Variants in TRAPPC9 observed in about 807,000 individuals in gnomAD.
The protein encoded by TRAPPC9 is IKK2 binding protein.
Under a neutral mutation model 124.0 loss-of-function variants are expected in TRAPPC9, and 83 were observed. The ratio of observed to expected loss-of-function variants is 0.67; its 90% confidence interval spans 0.56 to 0.80. The LOEUF (loss-of-function observed/expected upper bound fraction) is 0.80, where lower values mean the gene tolerates loss of function less well. Ranked by LOEUF, TRAPPC9 falls within the 30% of genes least tolerant of loss-of-function variation. The probability of loss-of-function intolerance (pLI) is 0.00; values close to 1 mark genes in which losing one functional copy is unlikely to be tolerated. For synonymous variants in TRAPPC9, 638 were observed against 617.5 expected (o/e 1.03, Z -0.49); for missense variants, 1,302 against 1,508.3 (o/e 0.86, Z 2.27).
At chr8:140,367,740 T>C (rs2068162446) in intron 8 of TRAPPC9, among the ~76,000 whole-genome samples, 1 of 152,090 alleles carries the variant, frequency 6.6e-6, no homozygotes, top group South Asian at 2.1e-4. Context: ...TGGGTGATGA[T>C]GATGTGTCAA....
At chr8:139,951,363 A>G (rs1331964310) in intron 19 of TRAPPC9, among the ~76,000 whole-genome samples, 1 of 152,184 alleles carries the variant, frequency 6.6e-6, no homozygotes, top group Non-Finnish European at 1.5e-5. Context: ...CTGTGCCATG[A>G]GGGTTCAAGA....
chr8:140,150,405 C>T (rs916884954), intron 17 of TRAPPC9, among the ~76,000 whole-genome samples: 5 of 152,276 alleles, frequency 3.3e-5, no homozygotes, highest in Middle Eastern at 3.4e-3. Context: ...GCCGAGATCA[C>T]GCCACTGCAC....
intron 17 of TRAPPC9, among the ~76,000 whole-genome samples, chr8:140,124,705 G>GGGGAGGACCCTCATAT (rs2061051777): frequency 1.8e-5 from 1 of 54,514 alleles, no homozygotes; most frequent in Non-Finnish European, 4.7e-5. Flanking sequence ...GACCCTCGCG[G>GGGGAGGACCCTCATAT]GGGAGGACCC....
chr8:139,889,838 T>A (rs1830226651), intron 20 of TRAPPC9, among the ~76,000 whole-genome samples: 2 of 152,160 alleles, frequency 1.3e-5, no homozygotes, highest in Non-Finnish European at 2.9e-5. Context: ...TCGTCCTTCC[T>A]AAGGCAATTT....
intron 17 of TRAPPC9, among the ~76,000 whole-genome samples, chr8:140,068,427 C>T (rs941647179): frequency 1.3e-5 from 2 of 152,100 alleles, no homozygotes; most frequent in African/African-American, 4.8e-5. Context: ...CGCATCAGGG[C>T]AAAGACGCTT....
intron 17 of TRAPPC9, among the ~76,000 whole-genome samples, chr8:140,130,680 T>C (rs1382157070): frequency 6.6e-6 from 1 of 152,126 alleles, no homozygotes. Context: ...CGGATGGCCA[T>C]CTCCTTATTT....
At chr8:140,015,338 T>C (rs1305672085) in intron 18 of TRAPPC9, among the ~76,000 whole-genome samples, 1 of 152,234 alleles carries the variant, frequency 6.6e-6, no homozygotes, top group East Asian at 1.9e-4. Flanking sequence ...TCTCTGGGGA[T>C]GCATATAACT....
intron 21 of TRAPPC9, among the ~76,000 whole-genome samples, chr8:139,859,407 T>C (rs1237922532): frequency 6.6e-6 from 1 of 152,174 alleles, no homozygotes; most frequent in African/African-American, 2.4e-5. Flanking sequence ...TTCTATTGCT[T>C]ACTAAGCAAA....
chr8:140,407,798 T>G (rs1588298246), intron 5 of TRAPPC9, among the ~76,000 whole-genome samples: 3 of 152,102 alleles, frequency 2.0e-5, no homozygotes, highest in African/African-American at 7.2e-5. Context: ...ATTTTTGTAT[T>G]TTTAGTAGAG....
intron 21 of TRAPPC9, among the ~76,000 whole-genome samples, chr8:139,811,065 A>G (rs1021421328): frequency 6.6e-6 from 1 of 152,264 alleles, no homozygotes; most frequent in African/African-American, 2.4e-5. Context: ...AGGCAGAAAC[A>G]ATTCACAGAA....
chr8:140,157,827 C>G (rs1045877151), intron 17 of TRAPPC9, among the ~76,000 whole-genome samples: 5 of 152,090 alleles, frequency 3.3e-5, no homozygotes, highest in Admixed American at 6.5e-5. Flanking sequence ...TTGTTAACAT[C>G]TTGGTGTATA....
chr8:140,299,309 G>T (rs142472096), intron 11 of TRAPPC9, among the ~76,000 whole-genome samples: 1,730 of 152,296 alleles, frequency 0.011, 15 homozygotes, highest in Non-Finnish European at 0.019. Flanking sequence ...GGGCAGGGGG[G>T]GGTCAGGGAG....
intron 21 of TRAPPC9, among the ~76,000 whole-genome samples, chr8:139,841,423 G>A (rs539494025): frequency 5.9e-5 from 9 of 152,150 alleles, no homozygotes; most frequent in East Asian, 1.9e-4. Context: ...GGTGGGGGCC[G>A]GCGGGCCTCA....
intron 17 of TRAPPC9, among the ~76,000 whole-genome samples, chr8:140,113,603 C>T (rs2060823117): frequency 1.3e-5 from 2 of 152,174 alleles, no homozygotes; most frequent in African/African-American, 4.8e-5. Context: ...GGAGGAGACG[C>T]CAGGCAGACT....
intron 16 of TRAPPC9, among the ~76,000 whole-genome samples, chr8:140,229,092 G>A (rs138369695): frequency 5.1e-4 from 77 of 151,970 alleles, no homozygotes; most frequent in Non-Finnish European, 1.9e-4. Context: ...CCACCAACAC[G>A]TTCTCACTAG....
rs139900918 is a variant in TRAPPC9, at chr8:139,963,996, G to A, written c.2810+24730C>T. On this transcript the variant is annotated intron_variant, in intron 19 of 22. Coordinates refer to ENST00000438773, the MANE Select transcript of TRAPPC9 (RefSeq NM_001160372.4). Reference sequence around the variant, plus strand: ...TCCCAGCACTTTGGGAGGCCGAGGCGGGTGGATCACGAGGTCAGGAGATCA... The same window carrying A: ...TCCCAGCACTTTGGGAGGCCGAGGCAGGTGGATCACGAGGTCAGGAGATCA... 6.8e-4 allele frequency among the ~76,000 whole-genome samples: 103 copies of A among 152,096 alleles called. 3 individuals are homozygous for A. In the East Asian group the frequency reaches 0.019, roughly 27 times the overall value.
intron 17 of TRAPPC9, among the ~76,000 whole-genome samples, chr8:140,049,164 A>T (rs1050689692): frequency 1.3e-5 from 2 of 152,136 alleles, no homozygotes; most frequent in African/African-American, 4.8e-5. Context: ...ACAGAAACTC[A>T]TACAGGTAAA....
intron 17 of TRAPPC9, among the ~76,000 whole-genome samples, chr8:140,186,879 T>C (rs1209726745): frequency 6.6e-6 from 1 of 152,194 alleles, no homozygotes; most frequent in Non-Finnish European, 1.5e-5. Context: ...TTTCCCTTTT[T>C]TTTGAATCAA....
chr8:139,978,927 G>C (rs776736134), intron 19 of TRAPPC9, among the ~76,000 whole-genome samples: 1 of 152,106 alleles, frequency 6.6e-6, no homozygotes, highest in African/African-American at 2.4e-5. Flanking sequence ...GATAACCTGA[G>C]TTGCTTTCTT....
Sources: gnomAD v4.1 joint callset for allele counts (sites outside exome capture counted in the v4.1 genomes callset) on GRCh38, gnomAD v4.1.1 for gene constraint, MANE v1.5 for transcripts, NCBI Gene and HGNC (gene_info 2026-07-23, HGNC 2026-07-21) for gene names.